The following KLF7 variants were observed in gnomAD, a reference collection of about 807,000 sequenced individuals.
KLF7 encodes the protein Krueppel-like factor 7.
KLF7 carries 2 observed loss-of-function variants against 27.3 expected under a neutral mutation model. The ratio of observed to expected loss-of-function variants is 0.07; its 90% CI spans 0.03 to 0.23. The LOEUF is 0.23. Ranked by LOEUF, KLF7 falls within the 10% of genes least tolerant of loss-of-function variation. The pLI, the probability that KLF7 is intolerant of heterozygous loss-of-function variation, is 1.00. For missense variants in KLF7, 221 were observed against 394.1 expected (o/e 0.56, Z 3.72); for synonymous variants, 165 against 162.4 (o/e 1.02, Z -0.12).
chr2:207,107,492 G>A lies in KLF7; in HGVS notation c.733+16282C>T, dbSNP rs374593988. Among the ~76,000 whole-genome samples the A allele has an allele frequency of 7.6e-4, 116 of 152,282 alleles. 1 individual carries two copies. In the South Asian group the frequency reaches 0.022, roughly 29 times the overall value. ...TTCTCCTCCATATGGAGCTGCGGCC[G>A]TAAATCACAAATATGAGTGTGTGTA... On this transcript the variant is annotated intron_variant, in intron 2 of 3. Coordinates refer to ENST00000309446, the MANE Select transcript of KLF7 (RefSeq NM_003709.4).
chr2:207,173,444 A>T, the KLF7 span, among the ~76,000 whole-genome samples: 1 of 151,772 alleles, frequency 6.6e-6, no homozygotes, highest in Non-Finnish European at 1.5e-5. Context: ...CATGGGTCTG[A>T]CTTCCTAGGT....
chr2:207,110,765 A>G (rs1281916996), intron 2 of KLF7, among the ~76,000 whole-genome samples: 1 of 152,234 alleles, frequency 6.6e-6, no homozygotes, highest in East Asian at 1.9e-4. Context: ...AAATAATGCA[A>G]TATTTCCATT....
intron 2 of KLF7, among the ~76,000 whole-genome samples, chr2:207,115,467 C>T (rs958877276): frequency 6.6e-6 from 1 of 152,194 alleles, no homozygotes; most frequent in Admixed American, 6.5e-5. Flanking sequence ...CCATTGGTGA[C>T]TGAACATGGG....
rs558406486 is a variant in KLF7, at chr2:207,148,003, C to T, written c.102+17464G>A. 5.5e-4 allele frequency among the ~76,000 whole-genome samples: 83 copies of T among 152,132 alleles called. 2 individuals are homozygous for T. The highest frequency in any genetic ancestry group is 4.6e-3 in the South Asian group (22 of 4,824). On this transcript the variant is annotated intron_variant, in intron 1 of 3. Coordinates refer to ENST00000309446, the MANE Select transcript of KLF7 (RefSeq NM_003709.4). The stretch of plus-strand genomic sequence containing the variant: ...CATTTTTTTTTTAATAGTTAAGCTT[C>T]TACCCGCTTTTTAAAAATCAAAACT...
intron 3 of KLF7, 74 bp downstream of exon 3, chr2:207,088,384 C>G (rs1000246771): frequency 2.0e-6 from 3 of 1,528,728 alleles, no homozygotes; most frequent in Non-Finnish European, 2.7e-6. Context: ...AGTCCAAGCA[C>G]ACGGGTGCTG....
chr2:207,171,984 C>T (rs1267959708), upstream of KLF7, among the ~76,000 whole-genome samples: 3 of 152,100 alleles, frequency 2.0e-5, no homozygotes, highest in African/African-American at 7.2e-5. Flanking sequence ...AATTTTTCTA[C>T]AAAAGGTAAA....
intron 3 of KLF7, among the ~76,000 whole-genome samples, chr2:207,082,396 G>T (rs2076292852): frequency 6.6e-6 from 1 of 152,174 alleles, no homozygotes; most frequent in Non-Finnish European, 1.5e-5. Flanking sequence ...AGGGGTTCTG[G>T]GGGATAGAAA....
chr2:207,094,026 T>A (rs191273152), intron 2 of KLF7, among the ~76,000 whole-genome samples: 104 of 152,312 alleles, frequency 6.8e-4, no homozygotes, highest in African/African-American at 2.4e-3. Context: ...CTGAGCAATA[T>A]CCCCTCTGGG....
chr2:207,124,479 A>G, intron 1 of KLF7, 75 bp from the exon 2 acceptor site: 3 of 1,403,154 alleles, frequency 2.1e-6, no homozygotes, highest in Non-Finnish European at 2.9e-6. Flanking sequence ...GTTGACAGGC[A>G]GAGGGGGAAG....
At chr2:207,157,596 A>G (rs1350749912) in intron 1 of KLF7, among the ~76,000 whole-genome samples, 1 of 152,218 alleles carries the variant, frequency 6.6e-6, no homozygotes, top group African/African-American at 2.4e-5. Context: ...TGCTATGTAT[A>G]AGAGGGAGCC....
intron 2 of KLF7, among the ~76,000 whole-genome samples, chr2:207,095,188 C>T (rs572392011): frequency 6.6e-6 from 1 of 152,056 alleles, no homozygotes; most frequent in East Asian, 1.9e-4. Flanking sequence ...GCTGGGACTA[C>T]AGGCTCCAGC....
chr2:207,133,405 G>T (rs2077691346), intron 1 of KLF7, among the ~76,000 whole-genome samples: 1 of 152,166 alleles, frequency 6.6e-6, no homozygotes, highest in Non-Finnish European at 1.5e-5. Context: ...CACTCCAATG[G>T]GAAAAACCCA....
intron 1 of KLF7, among the ~76,000 whole-genome samples, chr2:207,159,957 G>A (rs1216438783): frequency 1.3e-5 from 2 of 151,988 alleles, no homozygotes; most frequent in Non-Finnish European, 2.9e-5. Context: ...GGCAAGGTGG[G>A]GCACAGCAAA....
intron 2 of KLF7, among the ~76,000 whole-genome samples, chr2:207,104,083 T>C (rs2076826958): frequency 6.6e-6 from 1 of 152,188 alleles, no homozygotes; most frequent in Non-Finnish European, 1.5e-5. Flanking sequence ...ACTCCTCAAC[T>C]TAAATGTGGC....
At chr2:207,116,320 G>C (rs1190442023) in intron 2 of KLF7, among the ~76,000 whole-genome samples, 1 of 152,148 alleles carries the variant, frequency 6.6e-6, no homozygotes, top group Non-Finnish European at 1.5e-5. Flanking sequence ...TTCAAAGAAA[G>C]ACAGGTCACC....
intron 1 of KLF7, among the ~76,000 whole-genome samples, chr2:207,125,565 T>G (rs1381101253): frequency 6.6e-6 from 1 of 152,240 alleles, no homozygotes; most frequent in African/African-American, 2.4e-5. Flanking sequence ...TATATTTTAA[T>G]GATATACCTA....
chr2:207,171,377 T>C (rs1446507245), upstream of KLF7, among the ~76,000 whole-genome samples: 1 of 152,140 alleles, frequency 6.6e-6, no homozygotes, highest in African/African-American at 2.4e-5. Flanking sequence ...AACAAACTAC[T>C]TAGAATATTA....
intron 2 of KLF7, among the ~76,000 whole-genome samples, chr2:207,095,978 T>C (rs2076619901): frequency 6.6e-6 from 1 of 152,218 alleles, no homozygotes; most frequent in Admixed American, 6.5e-5. Flanking sequence ...TGCATATATT[T>C]CTATTTTGGA....
chr2:207,137,562 T>A (rs2077823367), intron 1 of KLF7, among the ~76,000 whole-genome samples: 1 of 152,210 alleles, frequency 6.6e-6, no homozygotes, highest in Admixed American at 6.5e-5. Context: ...CCTCGAACAC[T>A]GAACCTGGAA....
Sources: gnomAD v4.1 joint callset for allele counts (sites outside exome capture counted in the v4.1 genomes callset) on GRCh38, gnomAD v4.1.1 for gene constraint, MANE v1.5 for transcripts, NCBI Gene and HGNC (gene_info 2026-07-23, HGNC 2026-07-21) for gene names.